Variants in NUAK2 observed in about 807,000 individuals in gnomAD.
The protein encoded by NUAK2 is NUAK family kinase 2.
Under a neutral mutation model 29.8 loss-of-function variants are expected in NUAK2, and 20 were observed. That is an observed-to-expected ratio of 0.67 (90% CI 0.47 to 0.98). The LOEUF (loss-of-function observed/expected upper bound fraction) is 0.98, where lower values mean the gene tolerates loss of function less well. NUAK2 is among the 50% of genes least tolerant of loss of function. The pLI, the probability that NUAK2 is intolerant of heterozygous loss-of-function variation, is 0.00. For missense variants in NUAK2, 719 were observed against 834.5 expected (o/e 0.86, Z 1.71); for synonymous variants, 331 against 342.6 (o/e 0.97, Z 0.37).
In NUAK2 at chr1:205,321,397, C is replaced by A. The variant is rs1405676249; in HGVS notation, c.231+1G>T. On this transcript the variant is annotated splice_donor_variant, in intron 1 of 6. Coordinates refer to ENST00000367157, the MANE Select transcript of NUAK2 (RefSeq NM_030952.3). LOFTEE classifies it high-confidence loss of function. ...GCGCCGCGAGAGGGAGCCGCACTCACCAGGCGCCCCGAGCTCTCCCGCGCC... is the reference window on the plus strand; with the variant it reads ...GCGCCGCGAGAGGGAGCCGCACTCAACAGGCGCCCCGAGCTCTCCCGCGCC... 1.1e-5 allele frequency: 17 copies of A among 1,612,470 alleles called. No homozygotes were observed. The highest frequency in any genetic ancestry group is 1.4e-5 in the Non-Finnish European group (16 of 1,179,368).
intron 4 of NUAK2, among the ~76,000 whole-genome samples, chr1:205,306,622 A>G (rs571234127): frequency 1.3e-5 from 2 of 152,252 alleles, no homozygotes; most frequent in South Asian, 4.1e-4. Context: ...TATCCCTTGG[A>G]AAGTCTCCCA....
intron 1 of NUAK2, among the ~76,000 whole-genome samples, chr1:205,319,191 C>T (rs960160959): frequency 1.3e-5 from 2 of 152,138 alleles, no homozygotes; most frequent in Non-Finnish European, 2.9e-5. Context: ...AGGAAGGAGA[C>T]CCTGAGCAAG....
At position 205,303,787 on chromosome 1, in the gene NUAK2, G is replaced by C; in HGVS notation, c.1550C>G (p.Ala517Gly). The C allele has an allele frequency of 6.4e-7, 1 of 1,562,654 alleles. No individual in the cohort carries two copies. Among genetic ancestry groups the C allele is most frequent in the Non-Finnish European group, 8.7e-7 (1 of 1,154,522 alleles). The stretch of plus-strand genomic sequence containing the variant: ...ATCCAGGGAGCCGAAGGTGGTGGGG[G>C]CCGCGAGCTCCAAGGCTGTCTGGGA... Reference protein sequence around the residue: ...KFSQTALELAAPTTFGSLDEL... With the variant: ...KFSQTALELAGPTTFGSLDEL... Residue 517 changes from alanine (A) to glycine (G), a missense_variant, in exon 7 of 7, where the codon GCC becomes GGC. Transcript: ENST00000367157.
At position 205,308,591 on chromosome 1, in the gene NUAK2, T is replaced by G. The variant is rs750294930; in HGVS notation, c.494A>C (p.Tyr165Ser). 15 of 1,613,422 alleles carry G rather than the reference T, an allele frequency of 9.3e-6. No individual in the cohort carries two copies. Among genetic ancestry groups the G allele is most frequent in the Non-Finnish European group, 1.0e-5 (12 of 1,179,676 alleles). ...CAGGTAGGTGCTCACCTGATGGCAA[T>G]AGTGCACGGCAGAGACGATCTGCCG... ...FFRQIVSAVHYCHQNRVVHRD... is the reference protein window; with the variant it reads ...FFRQIVSAVHSCHQNRVVHRD... Residue 165 changes from tyrosine (Y) to serine (S), a missense_variant, in exon 3 of 7, where the codon TAT (tyrosine) becomes TCT (serine). By Grantham distance (144) the Tyr-to-Ser change is moderately radical (BLOSUM62 -2). Transcript: ENST00000367157. The surrounding 1 kb of genome is among the most constrained non-coding windows in gnomAD (Gnocchi z 4.1).
At position 205,305,088 on chromosome 1, in the gene NUAK2, C is replaced by T. The variant is rs533612377; in HGVS notation, c.823+111G>A. On this transcript the variant is annotated intron_variant, in intron 6 of 6. Coordinates refer to ENST00000367157, the MANE Select transcript of NUAK2 (RefSeq NM_030952.3). ...GGAGGGTACCCTAACCTACCATGGG[C>T]CATGATGGACTGTTGCCCGTTTGAC... 7 of 1,388,480 alleles carry T rather than the reference C, an allele frequency of 5.0e-6. No homozygotes were observed. The Admixed American group carries it at 1.4e-4, about 28-fold the overall frequency. The allele number at this position is 1,388,480 out of a possible 1,614,324, so 86.0% of individuals were successfully genotyped here.
At position 205,303,960 on chromosome 1, in the gene NUAK2, G is replaced by A. The variant is rs748260917; in HGVS notation, c.1377C>T (p.Tyr459=). 14 of 1,613,842 alleles carry A rather than the reference G, an allele frequency of 8.7e-6. No individual in the cohort carries two copies. Among genetic ancestry groups the A allele is most frequent in the African/African-American group, 4.0e-5 (3 of 74,934 alleles). Residue 459 remains tyrosine (Y), a synonymous_variant, in exon 7 of 7, where the codon TAC becomes TAT. Transcript: ENST00000367157. The stretch of plus-strand genomic sequence containing the variant: ...ATTCACTGGGCTCGGGAGAGGAGTA[G>A]TAGCCAGACTCGCGCTGTCGGGGCT... ...LKKPRQRESG[Y]YSSPEPSESG...
Position 205,308,295 on chromosome 1 carries a change from T to A in NUAK2, c.505-65A>T. 1 of 1,243,182 alleles carries A rather than the reference T, an allele frequency of 8.0e-7. No homozygotes were observed. The highest frequency in any genetic ancestry group is 1.4e-5 in the South Asian group (1 of 71,928). The allele number at this position is 1,243,182 out of a possible 1,614,324, so 77.0% of individuals were successfully genotyped here. A position where few individuals can be genotyped will look rare whatever the true frequency, so the allele number is the denominator to read the frequency against. On this transcript the variant is annotated intron_variant, in intron 3 of 6. Transcript: ENST00000367157. This position sits in a 1 kb window ranked among gnomAD's most constrained non-coding sequence, Gnocchi z 4.1. ...GAAGGGAAGATGATGAGGGGCCCAGTCTGGAGACTGAGGTAAACACAAAGG... is the reference window on the plus strand; with the variant it reads ...GAAGGGAAGATGATGAGGGGCCCAGACTGGAGACTGAGGTAAACACAAAGG...
intron 1 of NUAK2, among the ~76,000 whole-genome samples, chr1:205,316,138 A>G (rs1662325181): frequency 6.6e-6 from 1 of 152,246 alleles, no homozygotes; most frequent in South Asian, 2.1e-4. Flanking sequence ...TCAAGAGCCC[A>G]GGAATCGAAT....
intron 5 of NUAK2, among the ~76,000 whole-genome samples, 178 bp downstream of exon 5, chr1:205,306,010 G>A (rs192476432): frequency 1.3e-3 from 200 of 152,310 alleles, no homozygotes; most frequent in Non-Finnish European, 2.5e-3. Flanking sequence ...CACTGTGCCC[G>A]GCCTAGTTCT....
rs1558672046 is a variant in NUAK2 at position 205,305,301 on chromosome 1, A to G, written c.721T>C (p.Tyr241His). Residue 241 changes from tyrosine to histidine, a missense_variant, in exon 6 of 7, where the codon TAC (tyrosine) becomes CAC (histidine). Tyr to His is a moderately conservative substitution (Grantham distance 83, BLOSUM62 2). Coordinates refer to ENST00000367157, the MANE Select transcript of NUAK2 (RefSeq NM_030952.3). ...VDSWSLGVLL[Y>H]ILVHGTMPFD... ...GGCATGGTGCCATGCACCAGGATGT[A>G]GAGGAGAACACCCAGGGACCAGCTG... The G allele has an allele frequency of 6.2e-7, 1 of 1,614,118 alleles. No homozygotes were observed. The highest frequency in any genetic ancestry group is 8.5e-7 in the Non-Finnish European group (1 of 1,179,984).
intron 1 of NUAK2, among the ~76,000 whole-genome samples, chr1:205,319,404 A>ATCTCTCTCATACTC (rs1182985323): frequency 6.6e-6 from 1 of 152,006 alleles, no homozygotes; most frequent in Non-Finnish European, 1.5e-5. Flanking sequence ...ATCAAATGAG[A>ATCTCTCTCATACTC]TCTCTCTCTT....
Position 205,314,008 on chromosome 1 carries a change from C to G in NUAK2, c.232-2183G>C, listed in dbSNP as rs75435472. ...AGAGAGAAAAAAGGAAACCCCTGCT[C>G]GAGGGGAGGAGCCTCTAATCCACCC... On this transcript the variant is annotated intron_variant, in intron 1 of 6. Coordinates refer to ENST00000367157, the MANE Select transcript of NUAK2 (RefSeq NM_030952.3). Among the ~76,000 whole-genome samples the G allele has an allele frequency of 3.0e-3, 451 of 152,332 alleles. 2 individuals are homozygous for G. Among genetic ancestry groups the G allele is most frequent in the Middle Eastern group, 6.8e-3 (2 of 294 alleles).
Position 205,321,605 on chromosome 1 carries a change from C to T in NUAK2, c.24G>A (p.Arg8=), listed in dbSNP as rs374922742. The T allele has an allele frequency of 5.3e-5, 86 of 1,611,350 alleles. No individual in the cohort carries two copies. In the African/African-American group the frequency reaches 1.1e-3, roughly 20 times the overall value. MESLVFA[R]RSGPTPSAAE... Reference sequence around the variant, plus strand: ...CGGCCGAGGGAGTGGGGCCGGAGCGCCGCGCGAAAACCAGCGACTCCATGG... The same window carrying T: ...CGGCCGAGGGAGTGGGGCCGGAGCGTCGCGCGAAAACCAGCGACTCCATGG... The change falls in exon 1 of 7, where the codon CGG becomes CGA. Residue 8 remains arginine, a synonymous_variant. Transcript: ENST00000367157.
Position 205,304,632 on chromosome 1 carries a change from G to A in NUAK2, c.824-119C>T, listed in dbSNP as rs528593562. 18 of 884,842 alleles carry A rather than the reference G, an allele frequency of 2.0e-5. No individual in the cohort carries two copies. Among genetic ancestry groups the A allele is most frequent in the East Asian group, 8.2e-5 (3 of 36,622 alleles). 54.8% of individuals were successfully genotyped at this position (884,842 alleles called of 1,614,324 possible). On this transcript the variant is annotated intron_variant, in intron 6 of 6. Coordinates refer to ENST00000367157, the MANE Select transcript of NUAK2 (RefSeq NM_030952.3). This position sits in a 1 kb window ranked among gnomAD's most constrained non-coding sequence, Gnocchi z 6.5. ...CACTGCATACTCCTGGGTCGGATGC[G>A]TCCCTTCCAACCTAGGGCTCTATAC...
In NUAK2 at chr1:205,302,557, T is replaced by G. The variant is rs903085892; in HGVS notation, c.*893A>C. On this transcript the variant is annotated 3_prime_UTR_variant, in exon 7 of 7. Transcript: ENST00000367157. ...AGGATGGAAAAGGGAAGAGAACCATTGAAGAAACAGAGATTGTGTTCTCTT... is the reference window on the plus strand; with the variant it reads ...AGGATGGAAAAGGGAAGAGAACCATGGAAGAAACAGAGATTGTGTTCTCTT... 2 of 152,210 alleles carry G rather than the reference T, an allele frequency of 1.3e-5. No homozygotes were observed. Among genetic ancestry groups the G allele is most frequent in the Admixed American group, 6.6e-5 (1 of 15,262 alleles). The allele number at this position is 152,210 out of a possible 1,614,324, so 9.4% of individuals were successfully genotyped here.
chr1:205,305,605 G>A (rs1484452411), intron 5 of NUAK2: 199 of 742,354 alleles, frequency 2.7e-4, no homozygotes, highest in Non-Finnish European at 3.2e-4. Flanking sequence ...TCAGGAGGCT[G>A]GACTGGGTGC....
At chr1:205,305,150 G>A (rs1297330123) in intron 6 of NUAK2, 49 bp downstream of exon 6, 14 of 1,593,746 alleles carry the variant, frequency 8.8e-6, no homozygotes, top group Middle Eastern at 1.7e-4. Context: ...TTAGGAATGA[G>A]TGAAGGACAC....
At position 205,303,941 on chromosome 1, in the gene NUAK2, T is replaced by G; in HGVS notation, c.1396A>C (p.Ser466Arg). Reference protein sequence around the residue: ...ESGYYSSPEPSESGELLDAGD... With the variant: ...ESGYYSSPEPRESGELLDAGD... ...GCGTCCAAGAGCTCCCCAGATTCAC[T>G]GGGCTCGGGAGAGGAGTAGTAGCCA... The change falls in exon 7 of 7, where the codon AGT becomes CGT. Residue 466 changes from serine to arginine, a missense_variant. Physicochemically the swap from Ser to Arg is moderately radical, Grantham distance 110 (BLOSUM62 -1). Around this residue, in one of 3 missense-constraint regions of NUAK2, gnomAD observed 430 missense variants for 465.7 expected, o/e 0.92. Transcript: ENST00000367157. 3 of 1,613,958 alleles carry G rather than the reference T, an allele frequency of 1.9e-6. No individual in the cohort carries two copies. Among genetic ancestry groups the G allele is most frequent in the South Asian group, 2.2e-5 (2 of 91,084 alleles).
At chr1:205,321,349 G>C in intron 1 of NUAK2, 49 bp downstream of exon 1, 1 of 1,513,248 alleles carries the variant, frequency 6.6e-7, no homozygotes, top group Non-Finnish European at 8.9e-7. Flanking sequence ...CTCCCTGCCG[G>C]CGGCCAAGCC....
Sources: gnomAD v4.1 joint callset for allele counts (sites outside exome capture counted in the v4.1 genomes callset) on GRCh38, gnomAD v4.1.1 for gene constraint, gnomAD v4.1.1 regional missense constraint, Gnocchi (gnomAD v3.1) non-coding constraint, MANE v1.5 for transcripts, NCBI Gene and HGNC (gene_info 2026-07-23, HGNC 2026-07-21) for gene names.